Variants in SMG1 observed in about 807,000 individuals in gnomAD.
SMG1 encodes serine/threonine-protein kinase SMG1.
SMG1 carries 22 observed loss-of-function variants against 419.9 expected under a neutral mutation model. The ratio of observed to expected loss-of-function variants is 0.05; its 90% confidence interval spans 0.04 to 0.07. The LOEUF (loss-of-function observed/expected upper bound fraction) is 0.07. SMG1 is among the 10% of genes least tolerant of loss of function. SMG1 has a pLI of 1.00. For missense variants in SMG1, 3,185 were observed against 4,342.0 expected, an observed-to-expected ratio of 0.73 and a Z score of 7.49; for synonymous variants, 1,538 against 1,553.5, an observed-to-expected ratio of 0.99 and a Z score of 0.23.
At chr16:18,863,111 A>C in intron 25 of SMG1, among the ~76,000 whole-genome samples, 1 of 152,244 alleles carries the variant, frequency 6.6e-6, no homozygotes, top group Non-Finnish European at 1.5e-5. Flanking sequence ...GCAATTACAC[A>C]TTAACCCATT....
chr16:18,834,914 A>G lies in SMG1; in HGVS notation c.8308T>C (p.Ser2770Pro). The G allele has an allele frequency of 6.2e-7, 1 of 1,614,028 alleles. No homozygotes were observed. Among genetic ancestry groups the G allele is most frequent in the Non-Finnish European group, 8.5e-7 (1 of 1,179,868 alleles). The change falls in exon 49 of 63, where the codon TCT (serine) becomes CCT (proline). Residue 2770 changes from serine (S) to proline (P), a missense_variant. Physicochemically the swap from Ser to Pro is moderately conservative, Grantham distance 74. Coordinates refer to ENST00000446231, the MANE Select transcript of SMG1 (RefSeq NM_015092.5). ...GSLSLASVII[S>P]ALCTLTRRNL... ...TACCTTGTAAGGGTACAAAGGGCAG[A>G]AATAATAACACTTGCTAGACTCAAA...
At chr16:18,827,504 T>C (rs1275109302) in intron 55 of SMG1, among the ~76,000 whole-genome samples, 1 of 146,502 alleles carries the variant, frequency 6.8e-6, no homozygotes, top group African/African-American at 2.5e-5. Context: ...TACCAAAATA[T>C]ATATTTTTAT....
rs754509451 is a variant in SMG1 at position 18,838,123 on chromosome 16, C to A, written c.7304G>T (p.Gly2435Val). Residue 2435 changes from glycine to valine, a missense_variant, in exon 45 of 63, where the codon GGT (glycine) becomes GTT (valine). By Grantham distance (109) the Gly-to-Val change is moderately radical. This residue lies in a region of SMG1 where 60 missense variants were observed against 133.9 expected (regional missense o/e 0.45). Transcript: ENST00000446231. The part of the protein sequence containing the change: ...WTAGGEAGFA[G>V]AVYGGGGQQA... ...CTGGCCACCTCCACCATAGACAGCA[C>A]CAGCAAACCCAGCCTCGCCTCCTGC... The A allele has an allele frequency of 6.2e-7, 1 of 1,613,960 alleles. No homozygotes were observed. The highest frequency in any genetic ancestry group is 8.5e-7 in the Non-Finnish European group (1 of 1,179,884).
chr16:18,850,175 TA>T (rs780322460), intron 34 of SMG1, 49 bp from the exon 35 acceptor site: 35 of 1,588,276 alleles, frequency 2.2e-5, no homozygotes, highest in Non-Finnish European at 2.9e-5. Flanking sequence ...CTCAGAACAC[TA>T]CTTTTGTTTA....
intron 45 of SMG1, 29 bp downstream of exon 45, chr16:18,837,985 C>T (rs374738089): frequency 2.9e-4 from 460 of 1,605,170 alleles, no homozygotes; most frequent in Non-Finnish European, 3.8e-4. Context: ...AAAAAGAAGA[C>T]AATGACTTAT....
intron 54 of SMG1, 132 bp downstream of exon 54, chr16:18,829,154 G>T: frequency 1.5e-6 from 1 of 671,382 alleles, no homozygotes; most frequent in Non-Finnish European, 2.5e-6. Flanking sequence ...AAATGCTATG[G>T]TGTGTTTGCA....
rs200804039 is a variant in SMG1, at chr16:18,852,368, C to T, written c.4863G>A (p.Ala1621=). 83 of 1,613,780 alleles carry T rather than the reference C, an allele frequency of 5.1e-5. No individual in the cohort carries two copies. The East Asian group carries it at 1.5e-3, about 29-fold the overall frequency. The change falls in exon 32 of 63, where the codon GCG becomes GCA. Residue 1621 remains alanine, a synonymous_variant. Transcript: ENST00000446231. ...CCCACCTATAAGCCCAGCTGGCCAA[C>T]GCTGCCCAAGATTTGGCTACTTCAG... ...QAPEVAKSWA[A]LASWAYRWGR... is the part of the protein sequence containing the mutation.
At position 18,815,234 on chromosome 16, in the gene SMG1, G is replaced by A; in HGVS notation, c.10562C>T (p.Ala3521Val). ...VSFASPLVTDATNECSSPTSS... is the reference protein window; with the variant it reads ...VSFASPLVTDVTNECSSPTSS... Reference sequence around the variant, plus strand: ...CGTTGGACTCGAACATTCATTTGTTGCATCGGTGACTAAGGGTGATGCAAA... The same window carrying A: ...CGTTGGACTCGAACATTCATTTGTTACATCGGTGACTAAGGGTGATGCAAA... Residue 3521 changes from alanine (A) to valine (V), a missense_variant, in exon 60 of 63, where the codon GCA (alanine) becomes GTA (valine). Transcript: ENST00000446231. 2.5e-6 allele frequency: 4 copies of A among 1,595,448 alleles called. No individual in the cohort carries two copies. Among genetic ancestry groups the A allele is most frequent in the Non-Finnish European group, 3.4e-6 (4 of 1,170,402 alleles).
rs965955000 is a variant in SMG1, at chr16:18,830,517, G to A, written c.8793-148C>T. 50 of 863,092 alleles carry A rather than the reference G, an allele frequency of 5.8e-5. No homozygotes were observed. The East Asian group carries it at 1.1e-3, about 19-fold the overall frequency. The allele number at this position is 863,092 out of a possible 1,614,324, so 53.5% of individuals were successfully genotyped here. On this transcript the variant is annotated intron_variant, in intron 51 of 62. Transcript: ENST00000446231. Reference sequence around the variant, plus strand: ...GAAGAAGTGTTATTAGGCCGGGCGCGGTGGCTCACGCCTGTAATCCAGCAC... The same window carrying A: ...GAAGAAGTGTTATTAGGCCGGGCGCAGTGGCTCACGCCTGTAATCCAGCAC...
chr16:18,833,704 C>G (rs1482044664), intron 50 of SMG1, among the ~76,000 whole-genome samples: 1 of 152,152 alleles, frequency 6.6e-6, no homozygotes, highest in Non-Finnish European at 1.5e-5. Flanking sequence ...TACCGACTAC[C>G]CTACAAATTT....
intron 1 of SMG1, among the ~76,000 whole-genome samples, chr16:18,908,687 G>A (rs2037673423): frequency 6.6e-6 from 1 of 151,390 alleles, no homozygotes; most frequent in Non-Finnish European, 1.5e-5. Context: ...AGACCATCCT[G>A]GCTAACACAG....
chr16:18,807,864 A>G lies in SMG1; in HGVS notation c.*1705T>C, dbSNP rs1421486452. 1 of 152,068 alleles carries G rather than the reference A, an allele frequency of 6.6e-6. No homozygotes were observed. The highest frequency in any genetic ancestry group is 1.5e-5 in the Non-Finnish European group (1 of 68,028). The allele number at this position is 152,068 out of a possible 1,614,324, so 9.4% of individuals were successfully genotyped here. On this transcript the variant is annotated 3_prime_UTR_variant, in exon 63 of 63. Coordinates refer to ENST00000446231, the MANE Select transcript of SMG1 (RefSeq NM_015092.5). ...AAGCTCCGCCTCCTGGGTTCACGCC[A>G]TTCTCCTGCCTCAGCCTCCCGAGTA... is the stretch of plus-strand genomic sequence containing the variant.
intron 10 of SMG1, among the ~76,000 whole-genome samples, chr16:18,881,353 TA>T (rs1215050723): frequency 1.4e-5 from 2 of 144,588 alleles, no homozygotes; most frequent in Non-Finnish European, 3.1e-5. Context: ...CATATTGGTT[TA>T]AAATACCAAT....
At chr16:18,925,742 G>A (rs2038371563) in intron 1 of SMG1, 2 of 354,738 alleles carry the variant, frequency 5.6e-6, no homozygotes, top group African/African-American at 2.2e-5. Flanking sequence ...TCCAGCCCCG[G>A]GCTGAACAAG....
At chr16:18,812,597 T>C (rs759145268) in intron 60 of SMG1, among the ~76,000 whole-genome samples, 13,669 of 141,706 alleles carry the variant, frequency 0.096, 659 homozygotes, top group Middle Eastern at 0.17. Flanking sequence ...TACATATATA[T>C]ACACATATAT....
chr16:18,853,663 T>G lies in SMG1; in HGVS notation c.4688A>C (p.Lys1563Thr), dbSNP rs2034728108. 6.2e-7 allele frequency: 1 copy of G among 1,612,872 alleles called. No individual in the cohort carries two copies. Among genetic ancestry groups the G allele is most frequent in the Admixed American group, 1.7e-5 (1 of 59,876 alleles). The change falls in exon 31 of 63, where the codon AAA becomes ACA. Residue 1563 changes from lysine to threonine, a missense_variant. Lys to Thr is a moderately conservative substitution (Grantham distance 78). Transcript: ENST00000446231. ...CAGTTCTATTAGAGTGAGTATGTTT[T>G]TAGACAAAGTAGAAAGACCTGTGAA... ...QNFTGLSTLS[K>T]NILTLIELPS...
intron 1 of SMG1, among the ~76,000 whole-genome samples, chr16:18,913,351 T>G (rs1653993964): frequency 1.3e-5 from 2 of 152,116 alleles, no homozygotes; most frequent in African/African-American, 4.8e-5. Flanking sequence ...TACTCCAAGA[T>G]GAAAGTTAAA....
intron 1 of SMG1, among the ~76,000 whole-genome samples, chr16:18,915,280 C>A (rs749985304): frequency 6.6e-6 from 1 of 151,850 alleles, no homozygotes; most frequent in Middle Eastern, 3.4e-3. Context: ...GCCAAATTAC[C>A]GTATTCTTTC....
intron 1 of SMG1, among the ~76,000 whole-genome samples, chr16:18,905,164 A>G (rs955359975): frequency 3.3e-5 from 5 of 151,954 alleles, no homozygotes; most frequent in African/African-American, 1.2e-4. Flanking sequence ...GGGAGGCTGA[A>G]GCAGGAGAAC....
Sources: allele counts gnomAD v4.1 joint callset (sites outside exome capture counted in the v4.1 genomes callset), GRCh38; gene constraint gnomAD v4.1.1; regional missense constraint gnomAD v4.1.1; transcripts MANE v1.5; gene names NCBI Gene and HGNC (gene_info 2026-07-23, HGNC 2026-07-21).